The following TMEM135 variants were observed in gnomAD, a reference collection of about 807,000 sequenced individuals.
TMEM135 encodes peroxisomal membrane protein 52.
In TMEM135, 30 loss-of-function variants were observed where a neutral mutation model predicts 60.3. The observed-to-expected ratio is 0.50, with a 90% CI of 0.37 to 0.68. The LOEUF (loss-of-function observed/expected upper bound fraction) is 0.68, where lower values mean the gene tolerates loss of function less well. TMEM135 is among the 30% of genes least tolerant of loss of function. The pLI is 0.00. For missense variants in TMEM135, 468 were observed against 548.8 expected, an observed-to-expected ratio of 0.85 and a Z score of 1.47; for synonymous variants, 190 against 186.7, an observed-to-expected ratio of 1.02 and a Z score of -0.14.
chr11:87,290,212 A>G (rs985143514), intron 6 of TMEM135, among the ~76,000 whole-genome samples: 1 of 152,226 alleles, frequency 6.6e-6, no homozygotes, highest in Admixed American at 6.5e-5. Flanking sequence ...GCACATAATG[A>G]AGCAGCACAT....
At chr11:87,171,347 T>G (rs377680249) in intron 5 of TMEM135, among the ~76,000 whole-genome samples, 31 of 152,244 alleles carry the variant, frequency 2.0e-4, no homozygotes, top group African/African-American at 6.7e-4. Context: ...TGTTTTTTTT[T>G]TTTTTAATCA....
At chr11:87,284,520 A>C (rs1004248580) in intron 6 of TMEM135, among the ~76,000 whole-genome samples, 1 of 146,720 alleles carries the variant, frequency 6.8e-6, no homozygotes, top group East Asian at 2.1e-4. Flanking sequence ...AAAGTGCACA[A>C]TTATCGTCTG....
intron 4 of TMEM135, among the ~76,000 whole-genome samples, chr11:87,107,661 C>A (rs1359843076): frequency 6.6e-6 from 1 of 152,136 alleles, no homozygotes; most frequent in Non-Finnish European, 1.5e-5. Context: ...TCCAGGCTAT[C>A]ATTAATGGAC....
chr11:87,092,710 G>A (rs185965986), intron 4 of TMEM135, among the ~76,000 whole-genome samples: 9 of 114,264 alleles, frequency 7.9e-5, no homozygotes, highest in African/African-American at 1.1e-4. Flanking sequence ...ATAAATATTT[G>A]TTGAATTAAT....
At chr11:87,275,301 A>C (rs214741) in intron 6 of TMEM135, among the ~76,000 whole-genome samples, 78,617 of 151,850 alleles carry the variant, frequency 0.52, 20,547 homozygotes, top group African/African-American at 0.54. Flanking sequence ...AGATGCAGAA[A>C]AAGGCATGGC....
intron 4 of TMEM135, among the ~76,000 whole-genome samples, chr11:87,154,273 T>A (rs1392093861): frequency 6.6e-6 from 1 of 152,212 alleles, no homozygotes; most frequent in Non-Finnish European, 1.5e-5. Context: ...GCATAATATC[T>A]TCAGTGCTCA....
chr11:87,150,433 A>G (rs75542182), intron 4 of TMEM135, among the ~76,000 whole-genome samples: 10,058 of 152,162 alleles, frequency 0.066, 357 homozygotes, highest in African/African-American at 0.086. Context: ...CTGACTTCCT[A>G]CTACAGAAGA....
intron 5 of TMEM135, among the ~76,000 whole-genome samples, chr11:87,235,262 G>T (rs1425185934): frequency 1.3e-5 from 2 of 151,674 alleles, no homozygotes; most frequent in African/African-American, 4.8e-5. Context: ...TAAGTCAGTG[G>T]AGAAGAGAGA....
chr11:87,039,113 A>C (rs1223288050), intron 1 of TMEM135, among the ~76,000 whole-genome samples: 1 of 152,034 alleles, frequency 6.6e-6, no homozygotes, highest in Non-Finnish European at 1.5e-5. Flanking sequence ...CAGATGATCA[A>C]TTATTATTTC....
At chr11:87,250,839 G>A (rs955903530) in intron 6 of TMEM135, among the ~76,000 whole-genome samples, 2 of 152,308 alleles carry the variant, frequency 1.3e-5, no homozygotes, top group South Asian at 4.1e-4. Context: ...ATTGTAAAGG[G>A]ATTACTTGCA....
intron 4 of TMEM135, among the ~76,000 whole-genome samples, chr11:87,102,696 A>G (rs1455104699): frequency 1.2e-5 from 1 of 80,214 alleles, no homozygotes; most frequent in Admixed American, 1.4e-4. Flanking sequence ...GTGTGTGTAT[A>G]TATATATGTA....
At position 87,322,881 on chromosome 11, in the gene TMEM135, T is replaced by C. The variant is rs1942848181; in HGVS notation, c.*1548T>C. 2 of 454,330 alleles carry C rather than the reference T, an allele frequency of 4.4e-6. No individual in the cohort carries two copies. Among genetic ancestry groups the C allele is most frequent in the African/African-American group, 4.0e-5 (2 of 49,992 alleles). 28.1% of individuals were successfully genotyped at this position (454,330 alleles called of 1,614,324 possible). A position where few individuals can be genotyped will look rare whatever the true frequency, so the allele number is the denominator to read the frequency against. On this transcript the variant is annotated 3_prime_UTR_variant, in exon 15 of 15. Transcript: ENST00000305494. The stretch of plus-strand genomic sequence containing the variant: ...TAGCTTTGTAGAACTGACCTGTTTA[T>C]TTGGCAATGCTGTTAAAGGATCATT...
chr11:87,109,973 A>C (rs1857701775), intron 4 of TMEM135, among the ~76,000 whole-genome samples: 1 of 152,184 alleles, frequency 6.6e-6, no homozygotes, highest in Non-Finnish European at 1.5e-5. Context: ...CTCTTAATGG[A>C]ATGGATAACA....
chr11:87,254,500 C>A (rs564391357), intron 6 of TMEM135, among the ~76,000 whole-genome samples: 10 of 152,144 alleles, frequency 6.6e-5, no homozygotes, highest in South Asian at 4.2e-4. Context: ...ATCTCTGTGG[C>A]TATGAAAAGT....
chr11:87,283,404 T>C (rs991141153), intron 6 of TMEM135, among the ~76,000 whole-genome samples: 1 of 152,158 alleles, frequency 6.6e-6, no homozygotes, highest in Non-Finnish European at 1.5e-5. Context: ...TTTTGCTCCA[T>C]TACTAGGAGA....
At chr11:87,257,718 T>A (rs1941557519) in intron 6 of TMEM135, among the ~76,000 whole-genome samples, 2 of 151,740 alleles carry the variant, frequency 1.3e-5, no homozygotes, top group African/African-American at 2.4e-5. Context: ...CCTAGGGGAG[T>A]TGGGAGTGTA....
rs56665411 is a variant in TMEM135 at position 87,159,593 on chromosome 11, G to GCGCACACACACACACACACA, written c.462+2188_462+2189insGCACACACACACACACACAC. ...AAGATACTACTGAATACACACACGC[G>GCGCACACACACACACACACA]CACACACACACACACACACACACAC... On this transcript the variant is annotated intron_variant, in intron 5 of 14. Transcript: ENST00000305494. Among the ~76,000 whole-genome samples the GCGCACACACACACACACACA allele has an allele frequency of 9.3e-3, 1,163 of 124,912 alleles. 20 individuals carry two copies. The highest frequency in any genetic ancestry group is 0.031 in the African/African-American group (1,098 of 35,172). 81.9% of individuals were successfully genotyped at this position (124,912 alleles called of 152,430 possible).
At chr11:87,151,157 C>T (rs1337562612) in intron 4 of TMEM135, among the ~76,000 whole-genome samples, 2 of 152,058 alleles carry the variant, frequency 1.3e-5, no homozygotes, top group African/African-American at 4.8e-5. Flanking sequence ...AGTATGAGTA[C>T]TTAGCAGGCT....
At chr11:87,097,190 T>C (rs1857350342) in intron 4 of TMEM135, among the ~76,000 whole-genome samples, 1 of 152,002 alleles carries the variant, frequency 6.6e-6, no homozygotes, top group African/African-American at 2.4e-5. Flanking sequence ...ACAGACGGGG[T>C]TTCACCATGT....
Sources: allele counts gnomAD v4.1 joint callset (sites outside exome capture counted in the v4.1 genomes callset), GRCh38; gene constraint gnomAD v4.1.1; transcripts MANE v1.5; gene names NCBI Gene and HGNC (gene_info 2026-07-23, HGNC 2026-07-21).